The following STARD9 variants were observed in gnomAD, a reference collection of about 807,000 sequenced individuals.
The protein encoded by STARD9 is stAR-related lipid transfer protein 9.
A neutral mutation model predicts 399.8 loss-of-function variants in STARD9; 346 were observed. The ratio of observed to expected loss-of-function variants is 0.87; its 90% CI spans 0.79 to 0.95. The LOEUF is 0.95. Among genes scored for constraint, STARD9 ranks in the 40% least tolerant of loss-of-function variants. The probability of loss-of-function intolerance (pLI) is 0.00; values close to 1 mark genes in which losing one functional copy is unlikely to be tolerated. For synonymous variants in STARD9, 2,203 were observed against 2,143.5 expected, an observed-to-expected ratio of 1.03 and a Z score of -0.77; for missense variants, 5,832 against 5,667.5, an observed-to-expected ratio of 1.03 and a Z score of -0.93.
At chr15:42,712,569 G>T (rs2061265449) in intron 26 of STARD9, among the ~76,000 whole-genome samples, 1 of 152,084 alleles carries the variant, frequency 6.6e-6, no homozygotes, top group African/African-American at 2.4e-5. Flanking sequence ...TTGTTTAAAA[G>T]ATTATTATTT....
At chr15:42,672,162 GGTTT>G (rs1256537888) in intron 16 of STARD9, 3 of 152,222 alleles carry the variant, frequency 2.0e-5, no homozygotes, top group Non-Finnish European at 4.4e-5. Flanking sequence ...TTTGTTTGTT[GGTTT>G]GTTTGTCACT....
chr15:42,590,352 G>A (rs1027018897), intron 3 of STARD9, among the ~76,000 whole-genome samples: 1 of 152,134 alleles, frequency 6.6e-6, no homozygotes, highest in Non-Finnish European at 1.5e-5. Flanking sequence ...GATACAGTGT[G>A]TCTTTCATCC....
chr15:42,684,543 G>C lies in STARD9; in HGVS notation c.2965G>C (p.Gly989Arg). ...GLADPSHTQA[G>R]WRKEGNLGTH... ...AGCAGACCCTAGCCACACACAAGCT[G>C]GGTGGCGAAAAGAAGGGAACCTTGG... The change falls in exon 23 of 33, where the codon GGG becomes CGG. Residue 989 changes from glycine (G) to arginine (R), a missense_variant. Gly to Arg is a moderately radical substitution (Grantham distance 125). Coordinates refer to ENST00000290607, the MANE Select transcript of STARD9 (RefSeq NM_020759.3). 2.0e-6 allele frequency: 3 copies of C among 1,537,238 alleles called. No homozygotes were observed. Among genetic ancestry groups the C allele is most frequent in the Non-Finnish European group, 2.6e-6 (3 of 1,146,918 alleles).
At chr15:42,662,968 T>A in intron 11 of STARD9, 77 bp downstream of exon 11, 1 of 1,094,822 alleles carries the variant, frequency 9.1e-7, no homozygotes, top group Non-Finnish European at 1.3e-6. Flanking sequence ...CGCAATAGGG[T>A]AGACACAGGG....
intron 26 of STARD9, among the ~76,000 whole-genome samples, chr15:42,706,051 C>A (rs539209204): frequency 6.6e-6 from 1 of 152,282 alleles, no homozygotes; most frequent in South Asian, 2.1e-4. Flanking sequence ...CCGCACCCGT[C>A]CTGTTGTTTA....
intron 28 of STARD9, among the ~76,000 whole-genome samples, chr15:42,717,298 A>C (rs1183670717): frequency 6.6e-6 from 1 of 152,048 alleles, no homozygotes; most frequent in African/African-American, 2.4e-5. Flanking sequence ...CAGCCTGGGA[A>C]GCATAGCAAG....
At chr15:42,632,338 T>C (rs1328258843) in intron 3 of STARD9, among the ~76,000 whole-genome samples, 2 of 152,164 alleles carry the variant, frequency 1.3e-5, no homozygotes, top group Non-Finnish European at 2.9e-5. Context: ...ATAGGTGAAA[T>C]GTGTTTCCTG....
At chr15:42,717,698 C>T (rs1595836838) in intron 28 of STARD9, 33 bp from the exon 29 acceptor site, 2 of 1,533,034 alleles carry the variant, frequency 1.3e-6, no homozygotes, top group Non-Finnish European at 1.7e-6. Context: ...TTTACTGTGC[C>T]TCCTAATTTG....
chr15:42,662,762 T>C lies in STARD9; in HGVS notation c.771-32T>C, dbSNP rs769542674. The C allele has an allele frequency of 3.5e-6, 5 of 1,434,164 alleles. No homozygotes were observed. In the South Asian group the frequency reaches 6.1e-5, roughly 18 times the overall value. 88.8% of individuals were successfully genotyped at this position (1,434,164 alleles called of 1,614,324 possible). A position where few individuals can be genotyped will look rare whatever the true frequency, so the allele number is the denominator to read the frequency against. Reference sequence around the variant, plus strand: ...TTGTAAAGATAGTGTCTTATTTGCTTTTGTTTTTGTTTTTCATTGACTGTG... The same window carrying C: ...TTGTAAAGATAGTGTCTTATTTGCTCTTGTTTTTGTTTTTCATTGACTGTG... On this transcript the variant is annotated intron_variant, in intron 10 of 32. Transcript: ENST00000290607.
chr15:42,681,611 A>G lies in STARD9; in HGVS notation c.2064A>G (p.Glu688=). ...DQAWISQQIK[E]NQQCLLREET... ...CTTGGATTAGCCAGCAGATTAAAGA[A>G]AGTAGGTGTCCACCACTTAATGTGT... The change falls in exon 21 of 33, where the codon GAA becomes GAG. Residue 688 remains glutamate, a splice_region_variant and synonymous_variant. Coordinates refer to ENST00000290607, the MANE Select transcript of STARD9 (RefSeq NM_020759.3). The G allele has an allele frequency of 6.5e-7, 1 of 1,535,662 alleles. No individual in the cohort carries two copies.
intron 26 of STARD9, among the ~76,000 whole-genome samples, chr15:42,707,432 C>A (rs1451605638): frequency 1.3e-5 from 2 of 151,230 alleles, no homozygotes; most frequent in African/African-American, 4.9e-5. Flanking sequence ...TCGAAATCAG[C>A]AGATTAAACA....
At chr15:42,695,970 A>C (rs1460177790) in intron 26 of STARD9, 90 bp downstream of exon 26, 2 of 1,397,710 alleles carry the variant, frequency 1.4e-6, no homozygotes, top group Non-Finnish European at 1.9e-6. Context: ...GAGTTTGGGC[A>C]AGACGCCGTG....
intron 16 of STARD9, chr15:42,672,098 A>G (rs1270270442): frequency 6.6e-6 from 1 of 152,128 alleles, no homozygotes; most frequent in Non-Finnish European, 1.5e-5. Flanking sequence ...TTGTTTAGCT[A>G]TTGACTTAGG....
At chr15:42,609,673 C>T (rs1253206791) in intron 3 of STARD9, among the ~76,000 whole-genome samples, 1 of 151,872 alleles carries the variant, frequency 6.6e-6, no homozygotes, top group East Asian at 2.0e-4. Flanking sequence ...CTCCTGACCT[C>T]GTGATCTGCC....
At position 42,712,112 on chromosome 15, in the gene STARD9, A is replaced by T. The variant is rs1480263470; in HGVS notation, c.13285-4565A>T. ...ATATATATATAATATATAATATATAATATATAATATATATATAAATGTGCC... is the reference window on the plus strand; with the variant it reads ...ATATATATATAATATATAATATATATTATATAATATATATATAAATGTGCC... On this transcript the variant is annotated intron_variant, in intron 26 of 32. Coordinates refer to ENST00000290607, the MANE Select transcript of STARD9 (RefSeq NM_020759.3). Among the ~76,000 whole-genome samples the T allele has an allele frequency of 7.7e-4, 38 of 49,672 alleles. 7 individuals carry two copies. The highest frequency in any genetic ancestry group is 7.1e-3 in the African/African-American group (35 of 4,906). 32.6% of individuals were successfully genotyped at this position (49,672 alleles called of 152,430 possible).
intron 9 of STARD9, among the ~76,000 whole-genome samples, chr15:42,660,663 G>A (rs1207298552): frequency 1.3e-5 from 2 of 151,966 alleles, no homozygotes; most frequent in Non-Finnish European, 2.9e-5. Flanking sequence ...GGGGTTGGGG[G>A]CAGAGTAGTT....
intron 3 of STARD9, among the ~76,000 whole-genome samples, chr15:42,596,941 A>G (rs2058518443): frequency 6.6e-6 from 1 of 152,210 alleles, no homozygotes; most frequent in Non-Finnish European, 1.5e-5. Context: ...ACCATTGTTT[A>G]CAATTCTTTT....
At chr15:42,643,491 C>T (rs565951130) in intron 7 of STARD9, among the ~76,000 whole-genome samples, 2 of 151,396 alleles carry the variant, frequency 1.3e-5, no homozygotes, top group African/African-American at 4.9e-5. Context: ...CCACTGTGCC[C>T]GGCCCCTCGT....
At chr15:42,674,602 C>A in intron 17 of STARD9, 111 bp downstream of exon 17, 1 of 1,231,704 alleles carries the variant, frequency 8.1e-7, no homozygotes, top group South Asian at 1.4e-5. Context: ...TTGGCGTATT[C>A]AGGGCCTGCT....
Sources: allele counts gnomAD v4.1 joint callset (sites outside exome capture counted in the v4.1 genomes callset), GRCh38; gene constraint gnomAD v4.1.1; transcripts MANE v1.5; gene names NCBI Gene and HGNC (gene_info 2026-07-23, HGNC 2026-07-21).